CTSV: variants seen among roughly 807,000 people sequenced by gnomAD.
The protein encoded by CTSV is cathepsin L2.
A neutral mutation model predicts 35.6 loss-of-function variants in CTSV; 33 were observed. The observed-to-expected ratio is 0.93, with a 90% confidence interval of 0.70 to 1.24. The LOEUF is 1.24. Ranked by LOEUF, CTSV falls within the 50% of genes most tolerant of loss-of-function variation. CTSV has a pLI of 0.00. For missense variants in CTSV, 408 were observed against 413.1 expected, an observed-to-expected ratio of 0.99 and a Z score of 0.11; for synonymous variants, 154 against 147.1, an observed-to-expected ratio of 1.05 and a Z score of -0.34.
chr9:97,038,262 C>T (rs747560980), intron 1 of CTSV: 29 of 454,768 alleles, frequency 6.4e-5, no homozygotes, highest in South Asian at 1.1e-4. Context: ...ACAGCATATG[C>T]GATAATTTAG....
Position 97,032,795 on chromosome 9 carries a change from T to C in CTSV, c.*154A>G. The C allele has an allele frequency of 1.9e-6, 1 of 526,408 alleles. No individual in the cohort carries two copies. The highest frequency in any genetic ancestry group is 3.3e-6 in the Non-Finnish European group (1 of 298,924). 32.6% of individuals were successfully genotyped at this position (526,408 alleles called of 1,614,324 possible). A position where few individuals can be genotyped will look rare whatever the true frequency, so the allele number is the denominator to read the frequency against. ...CAATAATTAAAGTAGTGGTAACATTTTACCCTTGTAAAAATGTCACAGAAT... is the reference window on the plus strand; with the variant it reads ...CAATAATTAAAGTAGTGGTAACATTCTACCCTTGTAAAAATGTCACAGAAT... On this transcript the variant is annotated 3_prime_UTR_variant, in exon 8 of 8. Transcript: ENST00000259470.
rs1258464206 is a variant in CTSV, at chr9:97,039,141, G to C, written c.-81C>G. The C allele has an allele frequency of 6.6e-6, 1 of 152,254 alleles. No individual in the cohort carries two copies. Among genetic ancestry groups the C allele is most frequent in the Non-Finnish European group, 1.5e-5 (1 of 68,082 alleles). 9.4% of individuals were successfully genotyped at this position (152,254 alleles called of 1,614,324 possible). A position where few individuals can be genotyped will look rare whatever the true frequency, so the allele number is the denominator to read the frequency against. ...TGAGATTACAGACGTCCGCGGTCTG[G>C]TGCAGGTTCGCCCGCCTCGGGATTT... is the stretch of plus-strand genomic sequence containing the variant. On this transcript the variant is annotated 5_prime_UTR_variant, in exon 1 of 8. Coordinates refer to ENST00000259470, the MANE Select transcript of CTSV (RefSeq NM_001333.4).
rs10980241 is a variant in CTSV, at chr9:97,036,774, A to G, written c.397-27T>C. On this transcript the variant is annotated intron_variant, in intron 4 of 7. Transcript: ENST00000259470. ...TAAAAAGGGAGAAAAAAAAAGCTGT[A>G]AATTTACAAGACCAATACAAATACA... is the stretch of plus-strand genomic sequence containing the variant. 3.1e-5 allele frequency: 48 copies of G among 1,547,356 alleles called. No homozygotes were observed. The South Asian group carries it at 5.4e-4, about 17-fold the overall frequency.
rs1423688011 is a variant in CTSV at position 97,029,763 on chromosome 9, T to C, written c.*3186A>G. On this transcript the variant is annotated 3_prime_UTR_variant, in exon 8 of 8. Transcript: ENST00000259470. ...AAATTGTTTACAATTGAGATATCCA[T>C]ACACACAAGTCATGTGCTGTGTGAT... 3 of 152,240 alleles carry C rather than the reference T, an allele frequency of 2.0e-5. No individual in the cohort carries two copies. Among genetic ancestry groups the C allele is most frequent in the African/African-American group, 2.4e-5 (1 of 41,472 alleles). 9.4% of individuals were successfully genotyped at this position (152,240 alleles called of 1,614,324 possible).
chr9:97,032,472 A>T lies in CTSV; in HGVS notation c.*477T>A, dbSNP rs10739289. 39,681 of 152,478 alleles carry T rather than the reference A, an allele frequency of 0.26. 7,216 individuals carry two copies. Among genetic ancestry groups the T allele is most frequent in the African/African-American group, 0.5 (20,551 of 41,426 alleles). 9.4% of individuals were successfully genotyped at this position (152,478 alleles called of 1,614,324 possible). On this transcript the variant is annotated 3_prime_UTR_variant, in exon 8 of 8. Transcript: ENST00000259470. ...ATTTTGGTAGATTCAGGAGTTGGGT[A>T]ACACACAGTAACTGGGCAGCTGATA...
At chr9:97,034,905 C>T in intron 6 of CTSV, 62 bp from the exon 7 acceptor site, 1 of 1,240,952 alleles carries the variant, frequency 8.1e-7, no homozygotes, top group East Asian at 2.3e-5. Context: ...AGTAACCCAC[C>T]CTACCACCCT....
chr9:97,037,658 C>G, intron 2 of CTSV, 43 bp from the exon 3 acceptor site: 1 of 1,604,622 alleles, frequency 6.2e-7, no homozygotes, highest in Non-Finnish European at 8.5e-7. Context: ...GTCTACTTAC[C>G]CAACCCATGT....
chr9:97,037,464 C>T (rs749572907), intron 3 of CTSV, 29 bp downstream of exon 3: 1 of 1,613,966 alleles, frequency 6.2e-7, no homozygotes, highest in Non-Finnish European at 8.5e-7. Context: ...AGAAGCAGCA[C>T]AGAGTTCAGC....
chr9:97,036,335 T>C (rs1828849541), intron 5 of CTSV, 188 bp downstream of exon 5: 2 of 619,476 alleles, frequency 3.2e-6, no homozygotes, highest in Non-Finnish European at 5.8e-6. Flanking sequence ...CCTCCCAAAC[T>C]GCTGGGATTA....
chr9:97,036,857 C>T (rs1828861713), intron 4 of CTSV, 110 bp from the exon 5 acceptor site: 6 of 1,034,398 alleles, frequency 5.8e-6, no homozygotes, highest in Admixed American at 3.3e-5. Context: ...CCCATCGCCA[C>T]ACTTTGGGAG....
chr9:97,035,390 G>T, intron 6 of CTSV, 138 bp downstream of exon 6: 1 of 598,700 alleles, frequency 1.7e-6, no homozygotes, highest in Non-Finnish European at 2.5e-6. Context: ...ATTTTCTCAT[G>T]TCAAATGCAA....
chr9:97,033,103 C>G (rs1828783418), intron 7 of CTSV, 55 bp from the exon 8 acceptor site: 2 of 1,164,994 alleles, frequency 1.7e-6, no homozygotes, highest in Non-Finnish European at 2.5e-6. Context: ...AAAATTGGCT[C>G]CATTAATAAT....
Position 97,030,748 on chromosome 9 carries a change from A to ACGCCTTTAAGCCGTTTTCC in CTSV, c.*2182_*2200dup, listed in dbSNP as rs1192293530. 1.3e-5 allele frequency: 2 copies of ACGCCTTTAAGCCGTTTTCC among 152,202 alleles called. No homozygotes were observed. Among genetic ancestry groups the ACGCCTTTAAGCCGTTTTCC allele is most frequent in the African/African-American group, 4.8e-5 (2 of 41,446 alleles). 9.4% of individuals were successfully genotyped at this position (152,202 alleles called of 1,614,324 possible). A position where few individuals can be genotyped will look rare whatever the true frequency, so the allele number is the denominator to read the frequency against. ...TCATGCTATTGTTTGTAGTTTAGGAACGCCTTTAAGCCGTTTTCCCGCCCT... is the reference window on the plus strand; with the variant it reads ...TCATGCTATTGTTTGTAGTTTAGGAACGCCTTTAAGCCGTTTTCCCGCCTTTAAGCCGTTTTCCCGCCCT... On this transcript the variant is annotated 3_prime_UTR_variant, in exon 8 of 8. Coordinates refer to ENST00000259470, the MANE Select transcript of CTSV (RefSeq NM_001333.4).
chr9:97,037,741 C>T, intron 2 of CTSV, 126 bp from the exon 3 acceptor site: 1 of 1,443,386 alleles, frequency 6.9e-7, no homozygotes, highest in Non-Finnish European at 9.5e-7. Context: ...TCTCTGGGAG[C>T]TGTTCTCCAA....
chr9:97,036,886 C>G, intron 4 of CTSV, 139 bp from the exon 5 acceptor site: 3 of 779,630 alleles, frequency 3.8e-6, no homozygotes, highest in Non-Finnish European at 5.8e-6. Context: ...GGGCAGATCA[C>G]TTGAGGAGAG....
intron 5 of CTSV, among the ~76,000 whole-genome samples, chr9:97,035,967 A>G (rs1828840836): frequency 6.6e-6 from 1 of 152,210 alleles, no homozygotes. Context: ...CTTATTCTCC[A>G]TGTTATGTAA....
intron 7 of CTSV, 133 bp from the exon 8 acceptor site, chr9:97,033,181 T>C: frequency 1.7e-6 from 1 of 591,614 alleles, no homozygotes; most frequent in Middle Eastern, 4.3e-4. Flanking sequence ...AATATCCATT[T>C]ATAAATGTCC....
chr9:97,033,692 G>A (rs960440080), intron 7 of CTSV, among the ~76,000 whole-genome samples: 8 of 152,152 alleles, frequency 5.3e-5, no homozygotes, highest in Non-Finnish European at 1.5e-5. Flanking sequence ...CAGCTACTTG[G>A]GAGGCTGAGG....
In CTSV at chr9:97,038,280, G is replaced by A. The variant is rs1828892130; in HGVS notation, c.-10-227C>T. ...GCATATGCGATAATTTAGGGTATGA[G>A]AAGGGTGTGAAAGATACCTGACGGG... On this transcript the variant is annotated intron_variant, in intron 1 of 7. Transcript: ENST00000259470. 5 of 425,184 alleles carry A rather than the reference G, an allele frequency of 1.2e-5. No individual in the cohort carries two copies. In the South Asian group the frequency reaches 1.4e-4, roughly 12 times the overall value. 26.3% of individuals were successfully genotyped at this position (425,184 alleles called of 1,614,324 possible). A position where few individuals can be genotyped will look rare whatever the true frequency, so the allele number is the denominator to read the frequency against.
Sources: gnomAD v4.1 joint callset for allele counts (sites outside exome capture counted in the v4.1 genomes callset) on GRCh38, gnomAD v4.1.1 for gene constraint, MANE v1.5 for transcripts, NCBI Gene and HGNC (gene_info 2026-07-23, HGNC 2026-07-21) for gene names.